TINCR: variants seen among roughly 807,000 people sequenced by gnomAD.
The protein encoded by TINCR is TINCR ubiquitin domain containing.
chr19:5,565,429 G>T lies in TINCR; in HGVS notation c.260+2236C>A, dbSNP rs2052123539. ...GTGCTATTATTTGGCTCTAGGCTCT[G>T]TGAAGGCGAAATCTGGTCTCTCTGG... On this transcript the variant is annotated intron_variant, in intron 1 of 1. Transcript: ENST00000646160. The surrounding 1 kb of genome is among the most constrained non-coding windows in gnomAD (Gnocchi z 4.0). Among the ~76,000 whole-genome samples the T allele has an allele frequency of 1.3e-5, 2 of 152,196 alleles. No individual in the cohort carries two copies. Among genetic ancestry groups the T allele is most frequent in the African/African-American group, 4.8e-5 (2 of 41,448 alleles).
At chr19:5,561,240 C>T (rs146114884), downstream of TINCR, 2 of 154,000 alleles carry the variant, frequency 1.3e-5, no homozygotes, top group Admixed American at 6.5e-5. Context: ...CAAAGTCACA[C>T]AGCAGAGCTG....
chr19:5,564,734 T>C (rs897898581), intron 1 of TINCR, among the ~76,000 whole-genome samples: 2 of 152,208 alleles, frequency 1.3e-5, no homozygotes, highest in African/African-American at 2.4e-5. Flanking sequence ...TATATCACTA[T>C]GCCTGGCTAA....
At chr19:5,561,403 G>A (rs937488137), downstream of TINCR, 11 of 153,664 alleles carry the variant, frequency 7.2e-5, no homozygotes, top group African/African-American at 2.4e-4. Context: ...CCAGACCCTG[G>A]AACAACAGGA....
At chr19:5,561,502 C>T (rs1310562989), downstream of TINCR, 1 of 152,410 alleles carries the variant, frequency 6.6e-6, no homozygotes, top group African/African-American at 2.4e-5. Flanking sequence ...TACCTAACAT[C>T]CCTGACACGG....
rs1006704224 is a variant in TINCR at position 5,565,021 on chromosome 19, A to C, written c.261-2072T>G. 2.0e-5 allele frequency among the ~76,000 whole-genome samples: 3 copies of C among 152,026 alleles called. No individual in the cohort carries two copies. Among genetic ancestry groups the C allele is most frequent in the Non-Finnish European group, 4.4e-5 (3 of 67,972 alleles). On this transcript the variant is annotated intron_variant, in intron 1 of 1. Coordinates refer to ENST00000646160, the Ensembl canonical transcript of TINCR. The surrounding 1 kb of genome is among the most constrained non-coding windows in gnomAD (Gnocchi z 4.0). ...AGGGGTTGCCTGTGAGCATTGAGTC[A>C]GGTCCCGTCCCTCCTCTGCCCACAG...
downstream of TINCR, chr19:5,562,584 C>A (rs567639720): frequency 6.6e-6 from 1 of 152,120 alleles, no homozygotes; most frequent in Admixed American, 6.5e-5. This position sits in a 1 kb window ranked among gnomAD's most constrained non-coding sequence, Gnocchi z 4.4. Flanking sequence ...ATAAGTAAAA[C>A]GTAGAGAAGT....
rs1227102637 is a variant in TINCR at position 5,563,847 on chromosome 19, A to G, written c.261-898T>C. On this transcript the variant is annotated intron_variant, in intron 1 of 1. Coordinates refer to ENST00000646160, the Ensembl canonical transcript of TINCR. This position sits in a 1 kb window ranked among gnomAD's most constrained non-coding sequence, Gnocchi z 4.7. ...GGAGAATCGCTTGAACCCGGGAGGC[A>G]GAGGTTGCAGTGAGCCGAGATTGCG... is the stretch of plus-strand genomic sequence containing the variant. 6.6e-6 allele frequency among the ~76,000 whole-genome samples: 1 copy of G among 152,086 alleles called. No individual in the cohort carries two copies. Among genetic ancestry groups the G allele is most frequent in the Non-Finnish European group, 1.5e-5 (1 of 67,988 alleles).
downstream of TINCR, chr19:5,560,276 G>C (rs1359343079): frequency 6.6e-6 from 1 of 152,194 alleles, no homozygotes. The surrounding 1 kb of genome is among the most constrained non-coding windows in gnomAD (Gnocchi z 4.5). Context: ...CTAAGCAAAC[G>C]CACAGTCTGG....
downstream of TINCR, chr19:5,561,674 T>C (rs563546892): frequency 3.3e-5 from 5 of 152,324 alleles, no homozygotes; most frequent in East Asian, 7.7e-4. Context: ...TGATTTCGGC[T>C]CACTGTAACC....
rs568918245 is a variant in TINCR at position 5,565,323 on chromosome 19, G to A, written c.260+2342C>T. On this transcript the variant is annotated intron_variant, in intron 1 of 1. Coordinates refer to ENST00000646160, the Ensembl canonical transcript of TINCR. This position sits in a 1 kb window ranked among gnomAD's most constrained non-coding sequence, Gnocchi z 4.0. ...TCATAGCCTGACATGTCACCTTTCC[G>A]GAGAGGCGTCCCCCAGTCACTGATC... Among the ~76,000 whole-genome samples, 3 of 152,174 alleles carry A rather than the reference G, an allele frequency of 2.0e-5. No homozygotes were observed. Among genetic ancestry groups the A allele is most frequent in the South Asian group, 4.2e-4 (2 of 4,816 alleles).
intron 1 of TINCR, 42 bp downstream of exon 1, chr19:5,567,623 G>GCCCCCCCCCCCC: frequency 6.1e-6 from 2 of 328,350 alleles, no homozygotes; most frequent in Non-Finnish European, 5.5e-6. Context: ...GGGGTCCCCG[G>GCCCCCCCCCCCC]CCGCCGCCCC....
At chr19:5,558,955 TGGGAAGGGAAGGGAA>T (rs746429519), downstream of TINCR, 1 of 150,592 alleles carries the variant, frequency 6.6e-6, no homozygotes, top group Non-Finnish European at 1.5e-5. Flanking sequence ...GGAGAACAGA[TGGGAAGGGAAGGGAA>T]GGGAAGGGAA....
At chr19:5,562,500 A>G (rs2052106674), downstream of TINCR, 1 of 152,266 alleles carries the variant, frequency 6.6e-6, no homozygotes, top group South Asian at 2.1e-4. This position sits in a 1 kb window ranked among gnomAD's most constrained non-coding sequence, Gnocchi z 4.4. Flanking sequence ...TGAACTGGCA[A>G]TCCAGCAGGG....
Position 5,565,969 on chromosome 19 carries a change from G to C in TINCR, c.260+1696C>G, listed in dbSNP as rs997426356. ...CCATTTCCCAGAGCTGCCCCAGGCC[G>C]GCAGTGAGCTGTTCCCGTGGCCCCA... On this transcript the variant is annotated intron_variant, in intron 1 of 1. Transcript: ENST00000646160. This position sits in a 1 kb window ranked among gnomAD's most constrained non-coding sequence, Gnocchi z 4.0. Among the ~76,000 whole-genome samples, 5 of 152,180 alleles carry C rather than the reference G, an allele frequency of 3.3e-5. No homozygotes were observed. The highest frequency in any genetic ancestry group is 5.9e-5 in the Non-Finnish European group (4 of 68,032).
chr19:5,567,726 G>A lies in TINCR; in HGVS notation c.199C>T (p.Gln67Ter), dbSNP rs1254090220. The stretch of plus-strand genomic sequence containing the variant: ...TGCAGGCGCGCGTCGCGCACCGTCT[G>A]GTGGTCGTCCAGCCGCCGCGCGTTG... Residue 67 changes from glutamine (Q) to a stop codon, truncating the protein, a stop_gained, in exon 1 of 2, where the codon CAG (glutamine) becomes TAG (stop). Coordinates refer to ENST00000646160, the Ensembl canonical transcript of TINCR. LOFTEE classifies it high-confidence loss of function. 5.2e-6 allele frequency: 2 copies of A among 388,184 alleles called. No homozygotes were observed. The highest frequency in any genetic ancestry group is 7.3e-5 in the East Asian group (2 of 27,430). The allele number at this position is 388,184 out of a possible 1,614,324, so 24.0% of individuals were successfully genotyped here.
Position 5,563,158 on chromosome 19 carries a change from TC to T in TINCR, c.261-210del, listed in dbSNP as rs778900418. 4.0e-5 allele frequency among the ~76,000 whole-genome samples: 6 copies of T among 151,290 alleles called. No homozygotes were observed. The highest frequency in any genetic ancestry group is 8.8e-5 in the Non-Finnish European group (6 of 67,852). ...AGGGAATACAGCAGGTCATCCAGGG[TC>T]TTGCAAGCCTCAGGAAGGACTTGGG... On this transcript the variant is annotated intron_variant, in intron 1 of 1. Transcript: ENST00000646160. The surrounding 1 kb of genome is among the most constrained non-coding windows in gnomAD (Gnocchi z 4.7).
intron 1 of TINCR, among the ~76,000 whole-genome samples, chr19:5,564,644 T>C (rs1045254688): frequency 2.6e-5 from 4 of 152,184 alleles, no homozygotes; most frequent in Non-Finnish European, 5.9e-5. Flanking sequence ...AGAGGCACGA[T>C]CTCAGCTCAC....
chr19:5,567,805 C>T (rs2052139640), exon 1 of TINCR: 1 of 394,406 alleles, frequency 2.5e-6, no homozygotes, highest in Non-Finnish European at 4.5e-6. Flanking sequence ...GCTGGGCGCG[C>T]AGGTCGCTGA....
At chr19:5,558,249 G>A (rs576696047), downstream of TINCR, 1 of 152,276 alleles carries the variant, frequency 6.6e-6, no homozygotes, top group African/African-American at 2.4e-5. Context: ...GTGATCCTGC[G>A]GCCCCAAAGG....
Sources: gnomAD v4.1 joint callset for allele counts (sites outside exome capture counted in the v4.1 genomes callset) on GRCh38, gnomAD v4.1.1 for gene constraint, Gnocchi (gnomAD v3.1) non-coding constraint, MANE v1.5 for transcripts, NCBI Gene and HGNC (gene_info 2026-07-23, HGNC 2026-07-21) for gene names.